Variants in KHDRBS2 observed in about 807,000 individuals in gnomAD.
KHDRBS2 encodes KH RNA binding domain containing, signal transduction associated 2, also known as KH domain-containing, RNA-binding, signal transduction-associated protein 2.
A neutral mutation model predicts 44.3 loss-of-function variants in KHDRBS2; 26 were observed. The observed-to-expected ratio is 0.59, with a 90% CI of 0.43 to 0.81. The LOEUF is 0.81. Ranked by LOEUF, KHDRBS2 falls within the 40% of genes least tolerant of loss-of-function variation. The probability of loss-of-function intolerance (pLI) is 0.00; values close to 1 mark genes in which losing one functional copy is unlikely to be tolerated. For synonymous variants in KHDRBS2, 194 were observed against 151.1 expected (o/e 1.28, Z -2.08); for missense variants, 476 against 433.1 (o/e 1.10, Z -0.88).
At chr6:62,047,342 ATC>A (rs1451613490) in intron 3 of KHDRBS2, among the ~76,000 whole-genome samples, 1 of 151,932 alleles carries the variant, frequency 6.6e-6, no homozygotes, top group Non-Finnish European at 1.5e-5. Flanking sequence ...AACTTGATAG[ATC>A]TCTTATTGTT....
At chr6:61,670,736 C>T in the KHDRBS2 span, among the ~76,000 whole-genome samples, 3 of 151,342 alleles carry the variant, frequency 2.0e-5, no homozygotes, top group Non-Finnish European at 4.4e-5. Flanking sequence ...TCTAGTTCAT[C>T]CTCTTATACT....
chr6:61,759,660 A>G (rs1778988161), intron 6 of KHDRBS2, among the ~76,000 whole-genome samples: 1 of 152,220 alleles, frequency 6.6e-6, no homozygotes, highest in Non-Finnish European at 1.5e-5. Flanking sequence ...TTCCTTAGCT[A>G]AACACTAAAC....
At chr6:61,601,210 G>A in the KHDRBS2 span, among the ~76,000 whole-genome samples, 3 of 151,716 alleles carry the variant, frequency 2.0e-5, no homozygotes, top group African/African-American at 4.8e-5. Flanking sequence ...CTTTCCTGGG[G>A]GGCAAGCATC....
chr6:61,892,072 T>C (rs916225315), intron 6 of KHDRBS2, among the ~76,000 whole-genome samples: 4 of 152,186 alleles, frequency 2.6e-5, no homozygotes, highest in Non-Finnish European at 4.4e-5. Context: ...ACAAAATCAA[T>C]GTGCAAAAAT....
chr6:62,172,711 A>AAC (rs1413177306), intron 2 of KHDRBS2, among the ~76,000 whole-genome samples: 1 of 151,140 alleles, frequency 6.6e-6, no homozygotes, highest in Non-Finnish European at 1.5e-5. Context: ...AAAAAAAAAA[A>AAC]AAAAAAAACC....
intron 1 of KHDRBS2, among the ~76,000 whole-genome samples, chr6:62,217,025 A>C (rs1425277972): frequency 6.7e-6 from 1 of 148,662 alleles, no homozygotes; most frequent in African/African-American, 2.5e-5. Context: ...AGATGATCTG[A>C]TTAAAAAAAA....
At chr6:61,577,141 T>G in the KHDRBS2 span, among the ~76,000 whole-genome samples, 4 of 151,856 alleles carry the variant, frequency 2.6e-5, no homozygotes, top group African/African-American at 9.7e-5. Context: ...TTGTTTTTTT[T>G]GTTTTTTTTT....
chr6:62,019,589 G>A lies in KHDRBS2; in HGVS notation c.336+28289C>T, dbSNP rs191447297. Among the ~76,000 whole-genome samples, 21 of 152,004 alleles carry A rather than the reference G, an allele frequency of 1.4e-4. No homozygotes were observed. In the South Asian group the frequency reaches 1.5e-3, roughly 11 times the overall value. ...GACATTTGGCATGGAGTTTGTTTGCGGAAGGCTTCTTAGTACAAAATATAA... is the reference window on the plus strand; with the variant it reads ...GACATTTGGCATGGAGTTTGTTTGCAGAAGGCTTCTTAGTACAAAATATAA... On this transcript the variant is annotated intron_variant, in intron 3 of 8. Transcript: ENST00000281156.
At chr6:61,742,652 T>C (rs941687301) in intron 6 of KHDRBS2, among the ~76,000 whole-genome samples, 17 of 152,032 alleles carry the variant, frequency 1.1e-4, no homozygotes, top group Admixed American at 6.6e-5. Flanking sequence ...GATATGGCAA[T>C]GGTTACTCCC....
At chr6:62,276,952 T>C (rs1053408857) in intron 1 of KHDRBS2, among the ~76,000 whole-genome samples, 1 of 152,178 alleles carries the variant, frequency 6.6e-6, no homozygotes, top group African/African-American at 2.4e-5. Flanking sequence ...TTTGTTTAAT[T>C]TGTAAAACTA....
intron 6 of KHDRBS2, among the ~76,000 whole-genome samples, chr6:61,847,269 A>G (rs1794555365): frequency 6.6e-6 from 1 of 152,140 alleles, no homozygotes; most frequent in Non-Finnish European, 1.5e-5. Context: ...TTTACTTTAG[A>G]AAACTTATAT....
intron 3 of KHDRBS2, among the ~76,000 whole-genome samples, chr6:62,035,288 A>G (rs1456261162): frequency 1.3e-5 from 2 of 152,192 alleles, no homozygotes; most frequent in South Asian, 4.1e-4. Flanking sequence ...GTACTTATAC[A>G]CAATGGAGTA....
chr6:61,757,955 G>A (rs1379738858), intron 6 of KHDRBS2, among the ~76,000 whole-genome samples: 9 of 152,050 alleles, frequency 5.9e-5, no homozygotes, highest in East Asian at 1.9e-4. Flanking sequence ...ATTTTCCCCC[G>A]AACTCAGTTA....
chr6:61,626,737 C>A, the KHDRBS2 span, among the ~76,000 whole-genome samples: 1 of 152,194 alleles, frequency 6.6e-6, no homozygotes, highest in Non-Finnish European at 1.5e-5. Context: ...TTTTCCTATG[C>A]ATACTGTCTT....
chr6:61,753,517 C>A (rs567681896), intron 6 of KHDRBS2, among the ~76,000 whole-genome samples: 3 of 152,232 alleles, frequency 2.0e-5, no homozygotes, highest in African/African-American at 7.2e-5. Flanking sequence ...AATTGCAATT[C>A]ATAGTCAGCT....
intron 1 of KHDRBS2, among the ~76,000 whole-genome samples, chr6:62,217,325 G>A (rs1010551433): frequency 1.3e-5 from 2 of 151,730 alleles, no homozygotes; most frequent in Admixed American, 1.3e-4. Flanking sequence ...CAACTGGGTT[G>A]TGACTTTTTT....
At chr6:61,561,247 C>T in the KHDRBS2 span, among the ~76,000 whole-genome samples, 1 of 152,104 alleles carries the variant, frequency 6.6e-6, no homozygotes, top group Non-Finnish European at 1.5e-5. Context: ...CCTGAGCTGC[C>T]TGAAACTTAG....
chr6:62,246,815 TATATAA>T (rs1835655888), intron 1 of KHDRBS2, among the ~76,000 whole-genome samples: 1 of 152,016 alleles, frequency 6.6e-6, no homozygotes, highest in Non-Finnish European at 1.5e-5. Flanking sequence ...AAGCCAATTA[TATATAA>T]ATATAATTTT....
At chr6:61,713,523 T>G (rs1364229282) in intron 7 of KHDRBS2, among the ~76,000 whole-genome samples, 1 of 151,676 alleles carries the variant, frequency 6.6e-6, no homozygotes, top group African/African-American at 2.4e-5. Flanking sequence ...AAGAGAAATA[T>G]CTTCCTTATC....
Sources: allele counts gnomAD v4.1 joint callset (sites outside exome capture counted in the v4.1 genomes callset), GRCh38; gene constraint gnomAD v4.1.1; transcripts MANE v1.5; gene names NCBI Gene and HGNC (gene_info 2026-07-23, HGNC 2026-07-21).